The following TNKS variants were observed in gnomAD, a reference collection of about 807,000 sequenced individuals.
TNKS encodes poly [ADP-ribose] polymerase tankyrase-1.
A neutral mutation model predicts 135.8 loss-of-function variants in TNKS; 72 were observed. The observed-to-expected ratio is 0.53, with a 90% CI of 0.44 to 0.64. The LOEUF (loss-of-function observed/expected upper bound fraction) is 0.64. TNKS is among the 30% of genes least tolerant of loss of function. The pLI is 0.00. For synonymous variants in TNKS, 849 were observed against 649.3 expected, an observed-to-expected ratio of 1.31 and a Z score of -4.68; for missense variants, 1,769 against 1,674.0, an observed-to-expected ratio of 1.06 and a Z score of -0.99.
chr8:9,765,903 G>A (rs149832061), intron 24 of TNKS, 106 bp downstream of exon 24: 10 of 902,452 alleles, frequency 1.1e-5, no homozygotes, highest in African/African-American at 3.4e-5. Context: ...TGTTAAAAAC[G>A]GCTTGTTTTG....
In TNKS at chr8:9,574,622, T is replaced by C. The variant is rs34629062; in HGVS notation, c.674-5537T>C. On this transcript the variant is annotated intron_variant, in intron 1 of 26. Coordinates refer to ENST00000310430, the MANE Select transcript of TNKS (RefSeq NM_003747.3). ...AAACCCAATCTTCTTACCCTTGACT[T>C]ACAAAGTTGTGACAAATACTGTTGG... Among the ~76,000 whole-genome samples, 18 of 152,358 alleles carry C rather than the reference T, an allele frequency of 1.2e-4. 1 individual carries two copies. In the South Asian group the frequency reaches 2.9e-3, roughly 25 times the overall value.
intron 11 of TNKS, among the ~76,000 whole-genome samples, chr8:9,711,295 G>A (rs779359874): frequency 6.6e-6 from 1 of 152,162 alleles, no homozygotes; most frequent in Admixed American, 6.5e-5. Flanking sequence ...ATTGTGACTC[G>A]TGATGTCAAG....
chr8:9,566,718 C>T (rs933709449), intron 1 of TNKS, among the ~76,000 whole-genome samples: 21 of 150,648 alleles, frequency 1.4e-4, no homozygotes, highest in Non-Finnish European at 5.9e-5. Flanking sequence ...ACGCCATTCT[C>T]CTGCCTCAGC....
rs370577097 is a variant in TNKS, at chr8:9,616,644, T to G, written c.994+967T>G. 3.9e-5 allele frequency among the ~76,000 whole-genome samples: 6 copies of G among 152,326 alleles called. No homozygotes were observed. The South Asian group carries it at 6.2e-4, about 16-fold the overall frequency. ...ATGTACAGAAAGCTTTGAAAATCTA[T>G]GGAATTTTGCTTAATTACTCTGCAT... On this transcript the variant is annotated intron_variant, in intron 3 of 26. Coordinates refer to ENST00000310430, the MANE Select transcript of TNKS (RefSeq NM_003747.3).
rs563459842 is a variant in TNKS, at chr8:9,653,743, C to G, written c.995-26208C>G. 6.8e-4 allele frequency among the ~76,000 whole-genome samples: 103 copies of G among 152,252 alleles called. 1 individual carries two copies. Among genetic ancestry groups the G allele is most frequent in the African/African-American group, 2.3e-3 (96 of 41,548 alleles). ...ATTTCAGCATAAATTTTGGTGGAGA[C>G]AAACCACATCCAGCCCATAACAACT... On this transcript the variant is annotated intron_variant, in intron 3 of 26. Coordinates refer to ENST00000310430, the MANE Select transcript of TNKS (RefSeq NM_003747.3).
At position 9,661,837 on chromosome 8, in the gene TNKS, C is replaced by G. The variant is rs563563131; in HGVS notation, c.995-18114C>G. Among the ~76,000 whole-genome samples the G allele has an allele frequency of 9.8e-5, 15 of 152,302 alleles. No homozygotes were observed. In the East Asian group the frequency reaches 2.9e-3, roughly 29 times the overall value. On this transcript the variant is annotated intron_variant, in intron 3 of 26. Coordinates refer to ENST00000310430, the MANE Select transcript of TNKS (RefSeq NM_003747.3). ...AGAAAATTTTTTGCAACCTACTCAT[C>G]TGACAAAGGGCTAATATCCAGAATT... is the stretch of plus-strand genomic sequence containing the variant.
At position 9,748,075 on chromosome 8, in the gene TNKS, A is replaced by G; in HGVS notation, c.2695A>G (p.Thr899Ala). The G allele has an allele frequency of 6.2e-7, 1 of 1,613,580 alleles. No individual in the cohort carries two copies. Among genetic ancestry groups the G allele is most frequent in the Non-Finnish European group, 8.5e-7 (1 of 1,179,866 alleles). Residue 899 changes from threonine to alanine, a missense_variant, in exon 18 of 27, where the codon ACA (threonine) becomes GCA (alanine). Thr to Ala is a moderately conservative substitution (Grantham distance 58). This residue lies in a region of TNKS where 722 missense variants were observed against 688.9 expected (regional missense o/e 1.05). Coordinates refer to ENST00000310430, the MANE Select transcript of TNKS (RefSeq NM_003747.3). ...LIKYNTCVNA[T>A]DKWAFTPLHE... ...AAAATACAACACGTGTGTAAATGCA[A>G]CAGATAAGTGGGCGTTTACTCCCCT... is the stretch of plus-strand genomic sequence containing the variant.
intron 2 of TNKS, 78 bp from the exon 3 acceptor site, chr8:9,615,504 C>A: frequency 8.2e-7 from 1 of 1,225,056 alleles, no homozygotes; most frequent in Non-Finnish European, 1.1e-6. Context: ...TATGCCTACA[C>A]CATGCCGAGA....
intron 5 of TNKS, among the ~76,000 whole-genome samples, chr8:9,696,395 G>A (rs1251170552): frequency 3.9e-5 from 6 of 152,046 alleles, no homozygotes; most frequent in Non-Finnish European, 5.9e-5. Flanking sequence ...GATAAGATAA[G>A]GACTGATAAA....
In TNKS at chr8:9,763,127, T is replaced by TTAA. The variant is rs776694554; in HGVS notation, c.3275-18_3275-16dup. On this transcript the variant is annotated intron_variant, in intron 21 of 26. Coordinates refer to ENST00000310430, the MANE Select transcript of TNKS (RefSeq NM_003747.3). The stretch of plus-strand genomic sequence containing the variant: ...GTAGTGTAGACTTTTGTTTTATATG[T>TTAA]TAATTTTTCTCTCCGACAGGCACCA... 60 of 1,474,744 alleles carry TTAA rather than the reference T, an allele frequency of 4.1e-5. No individual in the cohort carries two copies. The highest frequency in any genetic ancestry group is 5.5e-5 in the Non-Finnish European group (59 of 1,073,224). 91.4% of individuals were successfully genotyped at this position (1,474,744 alleles called of 1,614,324 possible).
chr8:9,595,654 T>C (rs780017890), intron 2 of TNKS, among the ~76,000 whole-genome samples: 8 of 152,172 alleles, frequency 5.3e-5, no homozygotes, highest in Middle Eastern at 3.4e-3. Context: ...AAGAAATACA[T>C]TGAAGATGCT....
chr8:9,683,671 G>C (rs1349303450), intron 5 of TNKS, among the ~76,000 whole-genome samples: 2 of 151,888 alleles, frequency 1.3e-5, no homozygotes, highest in East Asian at 1.9e-4. Context: ...GTGGGGGTTT[G>C]AGACTTTAGG....
chr8:9,604,701 C>T (rs1420537280), intron 2 of TNKS, among the ~76,000 whole-genome samples: 1 of 151,756 alleles, frequency 6.6e-6, no homozygotes, highest in Non-Finnish European at 1.5e-5. Context: ...TTGGGGTCTT[C>T]TATTAGTTCT....
rs1808388327 is a variant in TNKS at position 9,779,897 on chromosome 8, T to C, written c.*3161T>C. 1 of 152,210 alleles carries C rather than the reference T, an allele frequency of 6.6e-6. No homozygotes were observed. The highest frequency in any genetic ancestry group is 1.9e-4 in the East Asian group (1 of 5,206). 9.4% of individuals were successfully genotyped at this position (152,210 alleles called of 1,614,324 possible). On this transcript the variant is annotated 3_prime_UTR_variant, in exon 27 of 27. Transcript: ENST00000310430. ...TTTCTAGCTTTTCAAGCAGCATAAG[T>C]AGAATCAACATTAGGATGTTTTCAT...
At chr8:9,603,408 T>G (rs1799096683) in intron 2 of TNKS, among the ~76,000 whole-genome samples, 1 of 152,214 alleles carries the variant, frequency 6.6e-6, no homozygotes, top group Non-Finnish European at 1.5e-5. Flanking sequence ...GTTTCTCTAG[T>G]CACGTTTCAA....
chr8:9,605,784 T>C (rs1799193770), intron 2 of TNKS, among the ~76,000 whole-genome samples: 1 of 152,060 alleles, frequency 6.6e-6, no homozygotes, highest in Non-Finnish European at 1.5e-5. Flanking sequence ...ATTTTTCAAG[T>C]TGTATTGTTT....
At chr8:9,563,880 C>A (rs996686386) in intron 1 of TNKS, among the ~76,000 whole-genome samples, 1 of 152,036 alleles carries the variant, frequency 6.6e-6, no homozygotes, top group Non-Finnish European at 1.5e-5. Context: ...ACTTTCGTTG[C>A]TCATTTTTAC....
intron 3 of TNKS, among the ~76,000 whole-genome samples, chr8:9,630,575 C>A (rs1244877018): frequency 6.6e-6 from 1 of 152,112 alleles, no homozygotes; most frequent in Non-Finnish European, 1.5e-5. Flanking sequence ...CAGCAAATCC[C>A]CATCACATTA....
At chr8:9,654,005 C>G (rs1213855648) in intron 3 of TNKS, among the ~76,000 whole-genome samples, 1 of 152,190 alleles carries the variant, frequency 6.6e-6, no homozygotes, top group African/African-American at 2.4e-5. Flanking sequence ...CCATTAGCAG[C>G]TCTGGGACCA....
Sources: gnomAD v4.1 joint callset for allele counts (sites outside exome capture counted in the v4.1 genomes callset) on GRCh38, gnomAD v4.1.1 for gene constraint, gnomAD v4.1.1 regional missense constraint, MANE v1.5 for transcripts, NCBI Gene and HGNC (gene_info 2026-07-23, HGNC 2026-07-21) for gene names.